MYO15A: variants seen among roughly 807,000 people sequenced by gnomAD.
The protein encoded by MYO15A is unconventional myosin-XV.
MYO15A carries 308 observed loss-of-function variants against 394.6 expected under a neutral mutation model. The ratio of observed to expected loss-of-function variants is 0.78; its 90% CI spans 0.71 to 0.86. The LOEUF (loss-of-function observed/expected upper bound fraction) is 0.86, where lower values mean the gene tolerates loss of function less well. MYO15A is among the 40% of genes least tolerant of loss of function. The pLI is 0.00. For synonymous variants in MYO15A, 1,957 were observed against 2,003.8 expected, an observed-to-expected ratio of 0.98 and a Z score of 0.62; for missense variants, 4,606 against 4,799.1, an observed-to-expected ratio of 0.96 and a Z score of 1.19.
Position 18,143,849 on chromosome 17 carries a change from C to T in MYO15A, c.6047-21C>T, listed in dbSNP as rs1460785339. On this transcript the variant is annotated intron_variant, in intron 27 of 65. Coordinates refer to ENST00000647165, the MANE Select transcript of MYO15A (RefSeq NM_016239.4). Reference sequence around the variant, plus strand: ...CCCAGGCAGATCAGAGCAGGCACCGCATTCCCTCCTCTTTCCACAGGCCTC... The same window carrying T: ...CCCAGGCAGATCAGAGCAGGCACCGTATTCCCTCCTCTTTCCACAGGCCTC... 3 of 1,572,642 alleles carry T rather than the reference C, an allele frequency of 1.9e-6. No individual in the cohort carries two copies. The African/African-American group carries it at 4.1e-5, about 21-fold the overall frequency.
intron 7 of MYO15A, among the ~76,000 whole-genome samples, chr17:18,130,404 G>C (rs900058827): frequency 3.3e-5 from 5 of 151,244 alleles, no homozygotes; most frequent in Non-Finnish European, 7.4e-5. Context: ...CCTGTGAGAG[G>C]TAAGGGGTTG....
In MYO15A at chr17:18,151,896, C is replaced by A. The variant is rs886043362; in HGVS notation, c.7838C>A (p.Ala2613Asp). Residue 2613 changes from alanine (A) to aspartate (D), a missense_variant, in exon 41 of 66, where the codon GCC (alanine) becomes GAC (aspartate). By Grantham distance (126) the Ala-to-Asp change is moderately radical. Transcript: ENST00000647165. ...AAGCGGCCAGACCCTCATGAGGAGG[C>A]CCTGATGATCCTGAAAGGGCAGATG... is the stretch of plus-strand genomic sequence containing the variant. The part of the protein sequence containing the change: ...FMKRPDPHEE[A>D]LMILKGQMTH... The A allele has an allele frequency of 8.9e-6, 14 of 1,576,382 alleles. No homozygotes were observed. Among genetic ancestry groups the A allele is most frequent in the Non-Finnish European group, 1.2e-5 (14 of 1,161,124 alleles).
In MYO15A at chr17:18,119,931, C is replaced by T. The variant is rs779206128; in HGVS notation, c.1131C>T (p.Thr377=). The T allele has an allele frequency of 5.9e-5, 95 of 1,613,514 alleles. No individual in the cohort carries two copies. The highest frequency in any genetic ancestry group is 8.8e-5 in the South Asian group (8 of 91,094). ...TTGATCCCTACGGAGTCCACTACAC[C>T]GTCCCCTATGCCGAAGGCGTCTATG... The part of the protein sequence containing the change: ...PYFDPYGVHY[T]VPYAEGVYGG... The change falls in exon 2 of 66, where the codon ACC becomes ACT. Residue 377 remains threonine, a synonymous_variant. Transcript: ENST00000647165.
intron 55 of MYO15A, 57 bp from the exon 56 acceptor site, chr17:18,159,878 G>A (rs1052916412): frequency 6.3e-7 from 1 of 1,583,436 alleles, no homozygotes; most frequent in South Asian, 1.1e-5. Flanking sequence ...TATGTACCTG[G>A]TATATGACAT....
chr17:18,173,930 AGC>A lies in MYO15A; in HGVS notation c.10491+12_10491+13del, dbSNP rs1273204051. On this transcript the variant is annotated intron_variant, in intron 65 of 65. Coordinates refer to ENST00000647165, the MANE Select transcript of MYO15A (RefSeq NM_016239.4). ...AGCTGCAGCTGGAGCAGGTGGGCCC[AGC>A]GCTAAGTCCAACATTCCACTCACTG... is the stretch of plus-strand genomic sequence containing the variant. The A allele has an allele frequency of 6.2e-7, 1 of 1,612,430 alleles. No homozygotes were observed. Among genetic ancestry groups the A allele is most frequent in the Non-Finnish European group, 8.5e-7 (1 of 1,179,592 alleles).
At position 18,122,007 on chromosome 17, in the gene MYO15A, C is replaced by T. The variant is rs757368406; in HGVS notation, c.3207C>T (p.Asp1069=). 1.9e-6 allele frequency: 3 copies of T among 1,613,250 alleles called. No homozygotes were observed. The South Asian group carries it at 3.3e-5, about 18-fold the overall frequency. ...TCTCATACCCACTGGCTGCGTGTGACCAGACCAGGGCCACATGGCCACCAT... is the reference window on the plus strand; with the variant it reads ...TCTCATACCCACTGGCTGCGTGTGATCAGACCAGGGCCACATGGCCACCAT... ...PSLSYPLAAC[D]QTRATWPPWH... is the part of the protein sequence containing the mutation. The change falls in exon 2 of 66, where the codon GAC becomes GAT. Residue 1069 remains aspartate (D), a synonymous_variant. Coordinates refer to ENST00000647165, the MANE Select transcript of MYO15A (RefSeq NM_016239.4).
At chr17:18,146,912 C>A (rs2046491260) in intron 30 of MYO15A, among the ~76,000 whole-genome samples, 2 of 152,190 alleles carry the variant, frequency 1.3e-5, no homozygotes, top group South Asian at 4.1e-4. Context: ...GGCAACAGAG[C>A]AAGACCCTGT....
rs1180684326 is a variant in MYO15A, at chr17:18,132,201, T to A, written c.4207-252T>A. On this transcript the variant is annotated intron_variant, in intron 10 of 65. Coordinates refer to ENST00000647165, the MANE Select transcript of MYO15A (RefSeq NM_016239.4). The surrounding 1 kb of genome is among the most constrained non-coding windows in gnomAD (Gnocchi z 4.6). The stretch of plus-strand genomic sequence containing the variant: ...CATAAGAGAAGACGGGTCCCTTTTC[T>A]CTTATTTCTCCTAACCAAATAAAAT... 6.6e-6 allele frequency among the ~76,000 whole-genome samples: 1 copy of A among 152,222 alleles called. No homozygotes were observed. The highest frequency in any genetic ancestry group is 2.4e-5 in the African/African-American group (1 of 41,450).
chr17:18,134,733 T>C (rs977192270), intron 12 of MYO15A, among the ~76,000 whole-genome samples: 1 of 152,226 alleles, frequency 6.6e-6, no homozygotes, highest in Admixed American at 6.5e-5. Context: ...AAAAAATTAT[T>C]TTTAAAAAAG....
At chr17:18,156,846 C>G in intron 48 of MYO15A, 108 bp from the exon 49 acceptor site, 1 of 995,474 alleles carries the variant, frequency 1.0e-6, no homozygotes, top group Admixed American at 1.9e-5. Flanking sequence ...CTAATGAAGG[C>G]TCCCTTCCCT....
intron 19 of MYO15A, 197 bp from the exon 20 acceptor site, chr17:18,140,320 A>C (rs2046355216): frequency 2.7e-6 from 2 of 742,984 alleles, no homozygotes; most frequent in Admixed American, 2.3e-5. Context: ...TATGGGATGG[A>C]TCCCTTGGAA....
chr17:18,150,521 G>T lies in MYO15A; in HGVS notation c.7305G>T (p.Arg2435Ser). The T allele has an allele frequency of 6.2e-7, 1 of 1,614,172 alleles. No homozygotes were observed. The highest frequency in any genetic ancestry group is 8.5e-7 in the Non-Finnish European group (1 of 1,180,014). The part of the protein sequence containing the change: ...GSSSGTEDTP[R>S]RPPEPKPIPG... ...GTAGTGGTACTGAAGACACCCCCAG[G>T]AGACCCCCAGAGCCAAAGCCAAGTC... Residue 2435 changes from arginine to serine, a missense_variant, in exon 36 of 66, where the codon AGG (arginine) becomes AGT (serine). Coordinates refer to ENST00000647165, the MANE Select transcript of MYO15A (RefSeq NM_016239.4). The surrounding 1 kb of genome is among the most constrained non-coding windows in gnomAD (Gnocchi z 4.4).
chr17:18,159,857 C>A (rs2046749006), intron 55 of MYO15A, 78 bp from the exon 56 acceptor site: 1 of 1,526,662 alleles, frequency 6.6e-7, no homozygotes, highest in Non-Finnish European at 9.0e-7. Flanking sequence ...TTCAGGTGCC[C>A]ACCCTGTTCT....
At position 18,122,363 on chromosome 17, in the gene MYO15A, T is replaced by G; in HGVS notation, c.3563T>G (p.Leu1188Arg). 6.2e-7 allele frequency: 1 copy of G among 1,612,734 alleles called. No homozygotes were observed. The highest frequency in any genetic ancestry group is 8.5e-7 in the Non-Finnish European group (1 of 1,179,922). Reference protein sequence around the residue: ...HLGPGAACLSLRGSWEEVGPP... With the variant: ...HLGPGAACLSRRGSWEEVGPP... ...GGCCCTGGAGCTGCCTGCCTGTCCC[T>G]TAGGGGCTCCTGGGAGGAGGTCGGC... The change falls in exon 2 of 66, where the codon CTT (leucine) becomes CGT (arginine). Residue 1188 changes from leucine to arginine, a missense_variant. Leu to Arg is a moderately radical substitution (Grantham distance 102). This residue lies in a region of MYO15A where 2,776 missense variants were observed against 3,109.3 expected (regional missense o/e 0.89). Transcript: ENST00000647165.
chr17:18,178,975 C>G lies in MYO15A; in HGVS notation c.*105C>G, dbSNP rs2047053902. On this transcript the variant is annotated 3_prime_UTR_variant, in exon 66 of 66. Transcript: ENST00000647165. The stretch of plus-strand genomic sequence containing the variant: ...CAATGACCCCTGTAAGGGGCCAGAG[C>G]CTTGGAGGACACTAAGAGGAGGCAG... The G allele has an allele frequency of 3.5e-6, 4 of 1,145,734 alleles. No homozygotes were observed. The highest frequency in any genetic ancestry group is 5.1e-6 in the Non-Finnish European group (4 of 787,268). 71.0% of individuals were successfully genotyped at this position (1,145,734 alleles called of 1,614,324 possible). A position where few individuals can be genotyped will look rare whatever the true frequency, so the allele number is the denominator to read the frequency against.
chr17:18,126,992 C>A, intron 6 of MYO15A, 83 bp from the exon 7 acceptor site: 1 of 1,598,398 alleles, frequency 6.3e-7, no homozygotes, highest in East Asian at 2.2e-5. Flanking sequence ...CCGTACATAT[C>A]CTCTTGCTTC....
At chr17:18,112,217 T>A (rs1024402051) in intron 1 of MYO15A, among the ~76,000 whole-genome samples, 1 of 150,100 alleles carries the variant, frequency 6.7e-6, no homozygotes, top group African/African-American at 2.5e-5. Context: ...CCCCAGCAAG[T>A]CTCTGACCTC....
At chr17:18,126,992 C>T in intron 6 of MYO15A, 83 bp from the exon 7 acceptor site, 2 of 1,598,398 alleles carry the variant, frequency 1.3e-6, no homozygotes, top group South Asian at 2.2e-5. Flanking sequence ...CCGTACATAT[C>T]CTCTTGCTTC....
chr17:18,162,313 C>T (rs897409826), intron 57 of MYO15A, among the ~76,000 whole-genome samples: 2 of 152,086 alleles, frequency 1.3e-5, no homozygotes, highest in African/African-American at 4.8e-5. Flanking sequence ...GGTTTCCAGG[C>T]GTATAGGTTG....
Sources: allele counts gnomAD v4.1 joint callset (sites outside exome capture counted in the v4.1 genomes callset), GRCh38; gene constraint gnomAD v4.1.1; regional missense constraint gnomAD v4.1.1; non-coding constraint Gnocchi (gnomAD v3.1); transcripts MANE v1.5; gene names NCBI Gene and HGNC (gene_info 2026-07-23, HGNC 2026-07-21).